The following GPAT2 variants were observed in gnomAD, a reference collection of about 807,000 sequenced individuals.
GPAT2 encodes the protein glycerol-3-phosphate acyltransferase 2, mitochondrial.
A neutral mutation model predicts 71.0 loss-of-function variants in GPAT2; 51 were observed. That is an observed-to-expected ratio of 0.72 (90% CI 0.57 to 0.91). The LOEUF (loss-of-function observed/expected upper bound fraction) is 0.91, where lower values mean the gene tolerates loss of function less well. Among genes scored for constraint, GPAT2 ranks in the 40% least tolerant of loss-of-function variants. The pLI, the probability that GPAT2 is intolerant of heterozygous loss-of-function variation, is 0.00. For synonymous variants in GPAT2, 222 were observed against 290.3 expected (o/e 0.76, Z 2.39); for missense variants, 511 against 666.0 (o/e 0.77, Z 2.56).
At position 96,023,108 on chromosome 2, in the gene GPAT2, G is replaced by C; in HGVS notation, c.2165C>G (p.Thr722Ser). Residue 722 changes from threonine (T) to serine (S), a missense_variant and splice_region_variant, in exon 19 of 22, where the codon ACT becomes AGT. Thr to Ser is a moderately conservative substitution (Grantham distance 58). Around this residue, in one of 7 missense-constraint regions of GPAT2, gnomAD observed 108 missense variants for 117.6 expected, o/e 0.92. Coordinates refer to ENST00000434632, the MANE Select transcript of GPAT2 (RefSeq NM_001321527.2). Reference protein sequence around the residue: ...AFLRQGQLPDTELGYTEQLFQ... With the variant: ...AFLRQGQLPDSELGYTEQLFQ... ...CTGCAAGGGAACAAGGGCCTCACCA[G>C]TATCGGGCAGCTGGCCCTGGCGGAG... is the stretch of plus-strand genomic sequence containing the variant. 1 of 1,612,096 alleles carries C rather than the reference G, an allele frequency of 6.2e-7. No homozygotes were observed. Among genetic ancestry groups the C allele is most frequent in the Non-Finnish European group, 8.5e-7 (1 of 1,178,450 alleles).
chr2:96,032,413 C>T lies in GPAT2; in HGVS notation c.-54G>A, dbSNP rs1460821206. 8.1e-7 allele frequency: 1 copy of T among 1,227,328 alleles called. No homozygotes were observed. Among genetic ancestry groups the T allele is most frequent in the African/African-American group, 2.2e-5 (1 of 44,874 alleles). The allele number at this position is 1,227,328 out of a possible 1,614,324, so 76.0% of individuals were successfully genotyped here. A position where few individuals can be genotyped will look rare whatever the true frequency, so the allele number is the denominator to read the frequency against. On this transcript the variant is annotated 5_prime_UTR_variant, in exon 2 of 22. The change creates a new upstream start codon in the 5' untranslated region. Coordinates refer to ENST00000434632, the MANE Select transcript of GPAT2 (RefSeq NM_001321527.2). Reference sequence around the variant, plus strand: ...ACCTCTGGCACTCTCCTTCTCCCCACAGAAACCTGAGCCGGGGAAAGGTGC... The same window carrying T: ...ACCTCTGGCACTCTCCTTCTCCCCATAGAAACCTGAGCCGGGGAAAGGTGC...
Position 96,023,348 on chromosome 2 carries a change from G to A in GPAT2, c.2007C>T (p.Asp669=), listed in dbSNP as rs201923200. Reference sequence around the variant, plus strand: ...CGTCAGCCTCTCCGAAGTCATCACTGTCACTATCAGTAAAGTCCCCACTCG... The same window carrying A: ...CGTCAGCCTCTCCGAAGTCATCACTATCACTATCAGTAAAGTCCCCACTCG... ...WKPSGDFTDS[D]SDDFGEADGR... is the part of the protein sequence containing the mutation. Residue 669 remains aspartate (D), a synonymous_variant, in exon 18 of 22, where the codon GAC becomes GAT. Coordinates refer to ENST00000434632, the MANE Select transcript of GPAT2 (RefSeq NM_001321527.2). The A allele has an allele frequency of 6.2e-7, 1 of 1,614,212 alleles. No homozygotes were observed. Among genetic ancestry groups the A allele is most frequent in the Non-Finnish European group, 8.5e-7 (1 of 1,180,022 alleles).
intron 20 of GPAT2, 75 bp from the exon 21 acceptor site, chr2:96,022,798 G>C (rs1394610144): frequency 7.4e-6 from 12 of 1,613,716 alleles, no homozygotes; most frequent in Non-Finnish European, 1.0e-5. Context: ...CTCTCCTCTT[G>C]TTTAAAGAAG....
In GPAT2 at chr2:96,024,782, C is replaced by T; in HGVS notation, c.1419G>A (p.Lys473=). The T allele has an allele frequency of 6.2e-7, 1 of 1,613,964 alleles. No individual in the cohort carries two copies. The highest frequency in any genetic ancestry group is 1.3e-5 in the African/African-American group (1 of 75,028). Reference sequence around the variant, plus strand: ...ACATTGCACCCCCTACCTTCTGATGCTTGAAGAGCAGCAGCGTTGCCATAA... The same window carrying T: ...ACATTGCACCCCCTACCTTCTGATGTTTGAAGAGCAGCAGCGTTGCCATAA... The part of the protein sequence containing the change: ...TAIMATLLLF[K]HQKGVFLSQL... The change falls in exon 14 of 22, where the codon AAG becomes AAA. Residue 473 remains lysine, a synonymous_variant. Coordinates refer to ENST00000434632, the MANE Select transcript of GPAT2 (RefSeq NM_001321527.2).
At chr2:96,022,897 G>A (rs1235707599) in intron 20 of GPAT2, 61 bp downstream of exon 20, 7 of 1,612,798 alleles carry the variant, frequency 4.3e-6, no homozygotes, top group Non-Finnish European at 5.9e-6. Context: ...CCTGCAGGGG[G>A]CAGCAGCCAC....
chr2:96,023,844 G>C (rs1680022727), intron 17 of GPAT2, 79 bp downstream of exon 17: 1 of 1,535,060 alleles, frequency 6.5e-7, no homozygotes. Flanking sequence ...GAGGAGCCTG[G>C]GGCAGCTGGC....
intron 13 of GPAT2, chr2:96,025,107 C>G: frequency 1.7e-6 from 1 of 596,138 alleles, no homozygotes; most frequent in East Asian, 2.8e-5. Flanking sequence ...AGATGGATCT[C>G]CCTATAAGGG....
chr2:96,023,790 C>T, intron 17 of GPAT2, 133 bp downstream of exon 17: 5 of 1,464,672 alleles, frequency 3.4e-6, no homozygotes, highest in Non-Finnish European at 4.5e-6. Context: ...TTCCCCGCTG[C>T]AAGGCCAGGG....
intron 6 of GPAT2, among the ~76,000 whole-genome samples, chr2:96,028,567 AG>A (rs762418192): frequency 2.6e-5 from 4 of 151,764 alleles, no homozygotes; most frequent in African/African-American, 4.9e-5. Context: ...GCCCAACAGG[AG>A]GACCAGCTCT....
intron 17 of GPAT2, 180 bp downstream of exon 17, chr2:96,023,743 T>C: frequency 1.6e-6 from 2 of 1,213,234 alleles, no homozygotes; most frequent in Non-Finnish European, 1.1e-6. Flanking sequence ...TAGGTGGCTA[T>C]ATCCCAAGGC....
intron 17 of GPAT2, 83 bp downstream of exon 17, chr2:96,023,840 C>G: frequency 1.3e-6 from 2 of 1,532,924 alleles, no homozygotes; most frequent in Non-Finnish European, 1.8e-6. Context: ...AGAGGAGGAG[C>G]CTGGGGCAGC....
intron 1 of GPAT2, among the ~76,000 whole-genome samples, chr2:96,034,068 T>C (rs1488562747): frequency 6.7e-6 from 1 of 150,174 alleles, no homozygotes; most frequent in Non-Finnish European, 1.5e-5. Context: ...CACACATATA[T>C]ACATATAATA....
Position 96,022,715 on chromosome 2 carries a change from C to G in GPAT2, c.2242G>C (p.Asp748His). The G allele has an allele frequency of 1.2e-6, 2 of 1,613,930 alleles. No individual in the cohort carries two copies. Among genetic ancestry groups the G allele is most frequent in the Non-Finnish European group, 1.7e-6 (2 of 1,179,856 alleles). Reference protein sequence around the residue: ...AQEEGIFECADPKLAISAVWT... With the variant: ...AQEEGIFECAHPKLAISAVWT... ...ACAGCACTGATGGCGAGCTTTGGGT[C>G]CGCACACTCTGGAAAGAAGAGAGAA... The change falls in exon 21 of 22, where the codon GAC becomes CAC. Residue 748 changes from aspartate to histidine, a missense_variant. Asp to His is a moderately conservative substitution (Grantham distance 81, BLOSUM62 -1). This residue lies in a region of GPAT2 where 108 missense variants were observed against 117.6 expected (regional missense o/e 0.92). Transcript: ENST00000434632.
chr2:96,024,970 G>A (rs942318315), intron 13 of GPAT2, 127 bp from the exon 14 acceptor site: 28 of 1,076,712 alleles, frequency 2.6e-5, no homozygotes, highest in Middle Eastern at 2.9e-4. Flanking sequence ...ACGTACACCC[G>A]GAGCAGTGGT....
In GPAT2 at chr2:96,024,751, CCCA is replaced by C; in HGVS notation, c.1428+19_1428+21del. On this transcript the variant is annotated intron_variant, in intron 14 of 21. Coordinates refer to ENST00000434632, the MANE Select transcript of GPAT2 (RefSeq NM_001321527.2). ...CGCCACCCCCCCCACCGCCCAGGTCCCCACCACATTGCACCCCCTACCTTCTGA... is the reference window on the plus strand; with the variant it reads ...CGCCACCCCCCCCACCGCCCAGGTCCCCACATTGCACCCCCTACCTTCTGA... 5.6e-6 allele frequency: 9 copies of C among 1,614,004 alleles called. No homozygotes were observed. The highest frequency in any genetic ancestry group is 1.7e-5 in the Admixed American group (1 of 60,022).
At chr2:96,024,750 C>T in intron 14 of GPAT2, 23 bp downstream of exon 14, 1 of 1,613,944 alleles carries the variant, frequency 6.2e-7, no homozygotes, top group Non-Finnish European at 8.5e-7. Context: ...CCGCCCAGGT[C>T]CCCACCACAT....
At chr2:96,026,594 C>T (rs1265674844) in intron 10 of GPAT2, 103 bp downstream of exon 10, 2 of 168,820 alleles carry the variant, frequency 1.2e-5, no homozygotes, top group East Asian at 2.3e-4. Context: ...GTGCCCCCCA[C>T]AGCCCTAAGT....
In GPAT2 at chr2:96,022,216, G is replaced by T. The variant is rs777936443; in HGVS notation, c.2349C>A (p.Ala783=). Residue 783 remains alanine (A), a synonymous_variant, in exon 22 of 22, where the codon GCC becomes GCA. Coordinates refer to ENST00000434632, the MANE Select transcript of GPAT2 (RefSeq NM_001321527.2). ...CTAGTTTTTCCTGATTGTCCAGGCT[G>T]GCAAAAGTAGGGGACAGGTGGAGCC... ...GPRLHLSPTF[A]SLDNQEKLEQ... 2 of 1,610,832 alleles carry T rather than the reference G, an allele frequency of 1.2e-6. No individual in the cohort carries two copies. Among genetic ancestry groups the T allele is most frequent in the Non-Finnish European group, 1.7e-6 (2 of 1,179,158 alleles).
chr2:96,022,069 G>A lies in GPAT2; in HGVS notation c.*90C>T, dbSNP rs2104584651. The A allele has an allele frequency of 1.3e-6, 2 of 1,524,610 alleles. No individual in the cohort carries two copies. Among genetic ancestry groups the A allele is most frequent in the Non-Finnish European group, 1.8e-6 (2 of 1,136,710 alleles). 94.4% of individuals were successfully genotyped at this position (1,524,610 alleles called of 1,614,324 possible). A position where few individuals can be genotyped will look rare whatever the true frequency, so the allele number is the denominator to read the frequency against. On this transcript the variant is annotated 3_prime_UTR_variant, in exon 22 of 22. Transcript: ENST00000434632. ...ATGATTATATTTATAGAGCAGCTAA[G>A]GGTTTGCAGCCTCCTCTCCATCTTC... is the stretch of plus-strand genomic sequence containing the variant.
Sources: allele counts gnomAD v4.1 joint callset (sites outside exome capture counted in the v4.1 genomes callset), GRCh38; gene constraint gnomAD v4.1.1; regional missense constraint gnomAD v4.1.1; transcripts MANE v1.5; gene names NCBI Gene and HGNC (gene_info 2026-07-23, HGNC 2026-07-21).